PDE4D: variants seen among roughly 807,000 people sequenced by gnomAD.
The protein encoded by PDE4D is 3',5'-cyclic-AMP phosphodiesterase 4D.
In PDE4D, 24 loss-of-function variants were observed where a neutral mutation model predicts 87.4. The ratio of observed to expected loss-of-function variants is 0.27; its 90% CI spans 0.20 to 0.39. The LOEUF (loss-of-function observed/expected upper bound fraction) is 0.39, where lower values mean the gene tolerates loss of function less well. PDE4D is among the 10% of genes least tolerant of loss of function. The pLI, the probability that PDE4D is intolerant of heterozygous loss-of-function variation, is 1.00. For missense variants in PDE4D, 714 were observed against 1,041.0 expected, an observed-to-expected ratio of 0.69 and a Z score of 4.32; for synonymous variants, 384 against 383.2, an observed-to-expected ratio of 1.00 and a Z score of -0.02.
At chr5:59,261,271 C>T (rs533862360) in intron 1 of PDE4D, among the ~76,000 whole-genome samples, 2 of 151,646 alleles carry the variant, frequency 1.3e-5, no homozygotes, top group African/African-American at 4.8e-5. Context: ...ATAGTCCATT[C>T]GAAAGTTTTT....
At chr5:60,062,938 G>C (rs973212593) in intron 2 of PDE4D, among the ~76,000 whole-genome samples, 1 of 151,988 alleles carries the variant, frequency 6.6e-6, no homozygotes, top group Non-Finnish European at 1.5e-5. Flanking sequence ...CGAGGGGAGG[G>C]AGAGCATCAA....
intron 1 of PDE4D, among the ~76,000 whole-genome samples, chr5:59,270,801 C>T (rs17528543): frequency 0.064 from 9,668 of 152,214 alleles, 334 homozygotes; most frequent in Middle Eastern, 0.13. Context: ...AGGAAGGCAA[C>T]AAGCTGAAGA....
rs147332372 is a variant in PDE4D, at chr5:59,499,308, A to G, written c.456-283340T>C. On this transcript the variant is annotated intron_variant, in intron 1 of 14. Coordinates refer to ENST00000340635, the MANE Select transcript of PDE4D (RefSeq NM_001104631.2). ...GTTTCTAGCACTGAATGTCTACATC[A>G]AGAAGATACATCTGAAATTAACAAC... Among the ~76,000 whole-genome samples, 1,256 of 151,230 alleles carry G rather than the reference A, an allele frequency of 8.3e-3. 7 individuals carry two copies. The highest frequency in any genetic ancestry group is 0.012 in the Non-Finnish European group (832 of 67,744).
intron 1 of PDE4D, among the ~76,000 whole-genome samples, chr5:59,428,189 T>A (rs1340898788): frequency 6.6e-6 from 1 of 152,212 alleles, no homozygotes; most frequent in African/African-American, 2.4e-5. Context: ...AAGAAAAACA[T>A]GCTGTTCTTT....
chr5:60,288,822 A>G (rs766606770), intron 1 of PDE4D, among the ~76,000 whole-genome samples: 2 of 152,228 alleles, frequency 1.3e-5, no homozygotes, highest in Admixed American at 6.5e-5. Context: ...CATAATTGCA[A>G]CAAGAACATC....
chr5:60,393,594 C>CT (rs1302840458), intron 1 of PDE4D, among the ~76,000 whole-genome samples: 9 of 152,200 alleles, frequency 5.9e-5, no homozygotes, highest in African/African-American at 2.2e-4. Context: ...AAAAGGAGGA[C>CT]TTGGCAATGT....
intron 2 of PDE4D, among the ~76,000 whole-genome samples, chr5:60,174,803 T>C (rs1783773042): frequency 2.0e-5 from 3 of 152,118 alleles, no homozygotes; most frequent in Non-Finnish European, 4.4e-5. Flanking sequence ...TCTCTTTAGG[T>C]AATTTATCAT....
intron 1 of PDE4D, among the ~76,000 whole-genome samples, chr5:59,722,963 T>C (rs1216999741): frequency 1.3e-5 from 2 of 152,158 alleles, no homozygotes; most frequent in African/African-American, 4.8e-5. Flanking sequence ...CTGATTTTTT[T>C]ACAATTGCTT....
intron 6 of PDE4D, among the ~76,000 whole-genome samples, chr5:59,026,898 A>G (rs2153381437): frequency 6.6e-6 from 1 of 152,332 alleles, no homozygotes; most frequent in Non-Finnish European, 1.5e-5. Context: ...TTAATGTCTG[A>G]CTTTAGTATG....
Position 60,369,050 on chromosome 5 carries a change from C to A in PDE4D, c.-90+118892G>T, listed in dbSNP as rs190462369. Among the ~76,000 whole-genome samples, 852 of 151,976 alleles carry A rather than the reference C, an allele frequency of 5.6e-3. 4 individuals are homozygous for A. Among genetic ancestry groups the A allele is most frequent in the African/African-American group, 0.02 (819 of 41,448 alleles). On this transcript the variant is annotated intron_variant, in intron 1 of 16. Transcript: ENST00000502484. Reference sequence around the variant, plus strand: ...AGCCTCTCTCAGTTTCTTGCTGTCCCACTCCTTCTCTCCTCTGTGTTCTGC... The same window carrying A: ...AGCCTCTCTCAGTTTCTTGCTGTCCAACTCCTTCTCTCCTCTGTGTTCTGC...
intron 1 of PDE4D, among the ~76,000 whole-genome samples, chr5:59,470,975 T>C (rs1446921119): frequency 6.6e-6 from 1 of 152,096 alleles, no homozygotes; most frequent in African/African-American, 2.4e-5. Context: ...GGCTCATACC[T>C]GGGATCCCAA....
At position 59,893,686 on chromosome 5, in the gene PDE4D, C is replaced by CCTGATGCTG. The variant is rs1561829520; in HGVS notation, c.-73_-65dup. The CCTGATGCTG allele has an allele frequency of 2.9e-6, 4 of 1,395,986 alleles. No individual in the cohort carries two copies. Among genetic ancestry groups the CCTGATGCTG allele is most frequent in the Non-Finnish European group, 3.7e-6 (4 of 1,086,142 alleles). The allele number at this position is 1,395,986 out of a possible 1,614,324, so 86.5% of individuals were successfully genotyped here. A position where few individuals can be genotyped will look rare whatever the true frequency, so the allele number is the denominator to read the frequency against. On this transcript the variant is annotated 5_prime_UTR_variant, in exon 1 of 15. Transcript: ENST00000340635. Reference sequence around the variant, plus strand: ...TTCACCGCGCTGGCCCGAGCGCCTTCCTGATGCTGCTGCTGCTGCTGCCGC... The same window carrying CCTGATGCTG: ...TTCACCGCGCTGGCCCGAGCGCCTTCCTGATGCTGCTGATGCTGCTGCTGCTGCTGCCGC...
chr5:59,241,119 G>C (rs571382577), intron 1 of PDE4D, among the ~76,000 whole-genome samples: 26 of 152,140 alleles, frequency 1.7e-4, no homozygotes, highest in Non-Finnish European at 3.2e-4. Context: ...CTTATTTGTG[G>C]GCAGCAGATT....
chr5:60,160,513 GA>G (rs199695648), intron 2 of PDE4D, among the ~76,000 whole-genome samples: 18 of 149,840 alleles, frequency 1.2e-4, no homozygotes, highest in Admixed American at 5.3e-4. Context: ...TTTTAAAAGA[GA>G]AAAAAAAATA....
At chr5:59,993,589 ATTGT>A (rs1369837130) in intron 2 of PDE4D, among the ~76,000 whole-genome samples, 2 of 152,168 alleles carry the variant, frequency 1.3e-5, no homozygotes, top group Non-Finnish European at 2.9e-5. Context: ...TCATAAAACA[ATTGT>A]TTAAGGATGT....
intron 1 of PDE4D, among the ~76,000 whole-genome samples, chr5:59,514,374 G>C (rs565103519): frequency 6.6e-6 from 1 of 152,096 alleles, no homozygotes; most frequent in Non-Finnish European, 1.5e-5. Context: ...CAAAGCACTG[G>C]GATTACAGGC....
chr5:59,735,668 CA>C (rs995336753), intron 1 of PDE4D, among the ~76,000 whole-genome samples: 10 of 151,736 alleles, frequency 6.6e-5, no homozygotes, highest in African/African-American at 2.4e-4. Flanking sequence ...ATCACAGAAA[CA>C]AAACTTTTTT....
intron 2 of PDE4D, among the ~76,000 whole-genome samples, chr5:60,044,633 C>G (rs555669475): frequency 6.6e-6 from 1 of 151,564 alleles, no homozygotes; most frequent in Non-Finnish European, 1.5e-5. Context: ...TTTGTTCTTG[C>G]GATAGTTTAC....
intron 3 of PDE4D, among the ~76,000 whole-genome samples, chr5:59,969,966 T>C (rs976051451): frequency 2.6e-5 from 4 of 152,310 alleles, no homozygotes; most frequent in Non-Finnish European, 5.9e-5. Context: ...CACACTCCTG[T>C]GACTGCATGC....
Sources: gnomAD v4.1 joint callset for allele counts (sites outside exome capture counted in the v4.1 genomes callset) on GRCh38, gnomAD v4.1.1 for gene constraint, MANE v1.5 for transcripts, NCBI Gene and HGNC (gene_info 2026-07-23, HGNC 2026-07-21) for gene names.